The following C4orf17 variants were observed in gnomAD, a reference collection of about 807,000 sequenced individuals.
The protein encoded by C4orf17 is uncharacterized protein C4orf17.
C4orf17 carries 25 observed loss-of-function variants against 32.0 expected under a neutral mutation model. The observed-to-expected ratio is 0.78, with a 90% CI of 0.57 to 1.09. C4orf17 has a LOEUF of 1.09. C4orf17 is among the 50% of genes least tolerant of loss of function. The pLI is 0.00. For missense variants in C4orf17, 420 were observed against 420.0 expected (o/e 1.00, Z 0.00); for synonymous variants, 149 against 145.8 (o/e 1.02, Z -0.16).
intron 1 of C4orf17, among the ~76,000 whole-genome samples, chr4:99,511,667 T>A (rs1173315612): frequency 6.6e-6 from 1 of 152,106 alleles, no homozygotes. Flanking sequence ...TCTTTTTCAC[T>A]CTCCAAATTG....
At chr4:99,535,179 C>T (rs555093613) in intron 5 of C4orf17, among the ~76,000 whole-genome samples, 8 of 151,950 alleles carry the variant, frequency 5.3e-5, no homozygotes, top group Non-Finnish European at 1.0e-4. Flanking sequence ...TTTTTTCTTC[C>T]GTTTTGGCCT....
At chr4:99,523,797 A>C (rs1723336587) in intron 3 of C4orf17, among the ~76,000 whole-genome samples, 1 of 152,058 alleles carries the variant, frequency 6.6e-6, no homozygotes, top group Admixed American at 6.6e-5. Context: ...CTGAGTATGA[A>C]ATGGGTAGGG....
chr4:99,522,434 G>T, intron 2 of C4orf17, 66 bp from the exon 3 acceptor site: 1 of 1,251,512 alleles, frequency 8.0e-7, no homozygotes, highest in East Asian at 2.3e-5. Flanking sequence ...ATCATTCAAA[G>T]AAAACCTTCC....
intron 3 of C4orf17, among the ~76,000 whole-genome samples, chr4:99,524,125 G>A (rs7680508): frequency 0.32 from 48,366 of 151,354 alleles, 9,043 homozygotes; most frequent in East Asian, 0.67. Flanking sequence ...GACTACAGGC[G>A]CCCGCCACCA....
chr4:99,530,016 T>A (rs956716481), intron 5 of C4orf17, 58 bp downstream of exon 5: 9 of 1,359,474 alleles, frequency 6.6e-6, no homozygotes, highest in South Asian at 1.4e-5. Context: ...TACAAAAAAA[T>A]TTATACCACT....
intron 5 of C4orf17, 66 bp downstream of exon 5, chr4:99,530,024 A>G (rs1267189114): frequency 3.1e-6 from 4 of 1,280,318 alleles, no homozygotes; most frequent in Middle Eastern, 3.9e-4. Flanking sequence ...AATTTATACC[A>G]CTAGCATCCT....
chr4:99,541,759 G>T (rs1723653015), intron 8 of C4orf17, 151 bp from the exon 9 acceptor site: 6 of 621,358 alleles, frequency 9.7e-6, no homozygotes, highest in Admixed American at 3.3e-5. Flanking sequence ...GAAAAAAAAA[G>T]AAAAGGAATA....
At position 99,523,658 on chromosome 4, in the gene C4orf17, C is replaced by A. The variant is rs184399815; in HGVS notation, c.338-863C>A. On this transcript the variant is annotated intron_variant, in intron 3 of 8. Transcript: ENST00000326581. Reference sequence around the variant, plus strand: ...CTTTGATGGGGATCAGGTGTCACCACCTAATAAGATTTCTATAGCAGATGT... The same window carrying A: ...CTTTGATGGGGATCAGGTGTCACCAACTAATAAGATTTCTATAGCAGATGT... Among the ~76,000 whole-genome samples the A allele has an allele frequency of 2.4e-4, 36 of 152,186 alleles. 1 individual carries two copies. Among genetic ancestry groups the A allele is most frequent in the African/African-American group, 8.4e-4 (35 of 41,494 alleles).
intron 2 of C4orf17, among the ~76,000 whole-genome samples, chr4:99,521,718 C>T (rs1330884420): frequency 6.6e-6 from 1 of 152,172 alleles, no homozygotes; most frequent in Non-Finnish European, 1.5e-5. Context: ...TCTGGGAAGA[C>T]AACGCAGCCA....
At chr4:99,511,697 C>T (rs1276020436) in intron 1 of C4orf17, among the ~76,000 whole-genome samples, 2 of 151,960 alleles carry the variant, frequency 1.3e-5, no homozygotes, top group Non-Finnish European at 2.9e-5. Flanking sequence ...CTCTTTTCCC[C>T]TCAATACAAG....
intron 2 of C4orf17, among the ~76,000 whole-genome samples, chr4:99,514,340 T>C (rs1048915656): frequency 6.6e-6 from 1 of 152,004 alleles, no homozygotes; most frequent in Non-Finnish European, 1.5e-5. Context: ...GGAGAAAATA[T>C]TTGCAAACTA....
chr4:99,542,214 T>C lies in C4orf17; in HGVS notation c.*105T>C. 1.1e-6 allele frequency: 1 copy of C among 921,846 alleles called. No individual in the cohort carries two copies. The highest frequency in any genetic ancestry group is 2.3e-5 in the Admixed American group (1 of 43,316). The allele number at this position is 921,846 out of a possible 1,614,324, so 57.1% of individuals were successfully genotyped here. A position where few individuals can be genotyped will look rare whatever the true frequency, so the allele number is the denominator to read the frequency against. On this transcript the variant is annotated 3_prime_UTR_variant, in exon 9 of 9. Coordinates refer to ENST00000326581, the MANE Select transcript of C4orf17 (RefSeq NM_032149.3). ...TTGGTATTGAGGAATCAAGTGGTCC[T>C]CTTTATGGTGGCACATGTAAATCTA...
chr4:99,525,753 TGC>T (rs1491169871), intron 4 of C4orf17, among the ~76,000 whole-genome samples: 1 of 151,214 alleles, frequency 6.6e-6, no homozygotes, highest in East Asian at 1.9e-4. Flanking sequence ...GCCGAGATGG[TGC>T]CACTGCACTG....
At chr4:99,526,076 C>T (rs112114454) in intron 4 of C4orf17, among the ~76,000 whole-genome samples, 3,526 of 152,234 alleles carry the variant, frequency 0.023, 106 homozygotes, top group Middle Eastern at 0.1. Context: ...TTGCCTTGTA[C>T]CTGATCGTAG....
At chr4:99,535,026 T>C (rs1723539204) in intron 5 of C4orf17, among the ~76,000 whole-genome samples, 1 of 152,184 alleles carries the variant, frequency 6.6e-6, no homozygotes, top group Non-Finnish European at 1.5e-5. Context: ...AAATTCTGGG[T>C]TGGAAACTCT....
chr4:99,523,976 CTTTTTTT>C (rs34303512), intron 3 of C4orf17, among the ~76,000 whole-genome samples: 283 of 114,098 alleles, frequency 2.5e-3, no homozygotes, highest in African/African-American at 9.2e-3. Flanking sequence ...AAAATATATA[CTTTTTTT>C]TTTTTTTTTT....
At chr4:99,526,651 C>CTTTTT (rs145120945) in intron 4 of C4orf17, among the ~76,000 whole-genome samples, 27 of 137,574 alleles carry the variant, frequency 2.0e-4, no homozygotes, top group Admixed American at 4.3e-4. Context: ...CTTTTCTTTT[C>CTTTTT]TTTTTTTTTT....
At chr4:99,541,481 T>A (rs1334638121) in intron 8 of C4orf17, 1 of 157,558 alleles carries the variant, frequency 6.3e-6, no homozygotes, top group East Asian at 1.9e-4. Flanking sequence ...CCCCTTTCTC[T>A]CCATTGTCGA....
intron 7 of C4orf17, 113 bp from the exon 8 acceptor site, chr4:99,540,299 G>C (rs1723634148): frequency 3.2e-6 from 2 of 630,716 alleles, no homozygotes; most frequent in Non-Finnish European, 5.5e-6. Context: ...CAAAGAATTG[G>C]GGTAGCATAT....
Sources: allele counts gnomAD v4.1 joint callset (sites outside exome capture counted in the v4.1 genomes callset), GRCh38; gene constraint gnomAD v4.1.1; transcripts MANE v1.5; gene names NCBI Gene and HGNC (gene_info 2026-07-23, HGNC 2026-07-21).